The following TMC5 variants were observed in gnomAD, a reference collection of about 807,000 sequenced individuals.
TMC5 encodes transmembrane channel-like protein 5.
Under a neutral mutation model 110.5 loss-of-function variants are expected in TMC5, and 86 were observed. The observed-to-expected ratio is 0.78, with a 90% CI of 0.65 to 0.93. TMC5 has a LOEUF of 0.93. Ranked by LOEUF, TMC5 falls within the 40% of genes least tolerant of loss-of-function variation. TMC5 has a pLI of 0.00. For missense variants in TMC5, 1,144 were observed against 1,222.8 expected (o/e 0.94, Z 0.96); for synonymous variants, 455 against 439.5 (o/e 1.04, Z -0.44).
chr16:19,460,830 C>T (rs1968002959), intron 6 of TMC5, among the ~76,000 whole-genome samples: 1 of 152,158 alleles, frequency 6.6e-6, no homozygotes, highest in Admixed American at 6.6e-5. Flanking sequence ...CAAGGAAAGT[C>T]TGAGAAACTA....
chr16:19,427,102 T>G (rs911537708), intron 1 of TMC5, among the ~76,000 whole-genome samples: 1 of 152,142 alleles, frequency 6.6e-6, no homozygotes, highest in Admixed American at 6.6e-5. Flanking sequence ...CCCAGGTGAC[T>G]TTCATGGGCA....
intron 12 of TMC5, 64 bp downstream of exon 12, chr16:19,474,340 A>C (rs1597205905): frequency 6.4e-7 from 1 of 1,557,102 alleles, no homozygotes; most frequent in East Asian, 2.3e-5. Context: ...GATGGCAGCT[A>C]GAAAGGATTA....
intron 2 of TMC5, among the ~76,000 whole-genome samples, chr16:19,435,011 A>G (rs1967309364): frequency 6.6e-6 from 1 of 152,106 alleles, no homozygotes; most frequent in African/African-American, 2.4e-5. Context: ...ACGTATATTC[A>G]CCTAGAAGAC....
chr16:19,470,340 C>CA (rs1347076505), intron 10 of TMC5, among the ~76,000 whole-genome samples: 1 of 152,108 alleles, frequency 6.6e-6, no homozygotes, highest in Non-Finnish European at 1.5e-5. Flanking sequence ...AGGCACCTGC[C>CA]ACCTCACTTG....
rs371417343 is a variant in TMC5, at chr16:19,497,110, T to A, written c.2932-11T>A. ...CTCCGTGACGTGGCTGCTTGTTTTT[T>A]TCTTTTTCAGCAACAAGGCTTTTTG... is the stretch of plus-strand genomic sequence containing the variant. On this transcript the variant is annotated splice_polypyrimidine_tract_variant and intron_variant, in intron 20 of 21. Coordinates refer to ENST00000542583, the MANE Select transcript of TMC5 (RefSeq NM_001261841.2). The A allele has an allele frequency of 1.1e-5, 18 of 1,613,902 alleles. No individual in the cohort carries two copies. Among genetic ancestry groups the A allele is most frequent in the Non-Finnish European group, 1.3e-5 (15 of 1,179,964 alleles).
intron 14 of TMC5, among the ~76,000 whole-genome samples, chr16:19,480,580 G>T (rs1405035142): frequency 6.6e-6 from 1 of 152,134 alleles, no homozygotes; most frequent in Non-Finnish European, 1.5e-5. Context: ...CAAGGCGGGT[G>T]AATCACCTGA....
chr16:19,487,508 C>T (rs1176090023), intron 17 of TMC5, among the ~76,000 whole-genome samples, 182 bp downstream of exon 17: 1 of 152,092 alleles, frequency 6.6e-6, no homozygotes, highest in Non-Finnish European at 1.5e-5. Context: ...TCAGGACCAG[C>T]CTGGCCAACA....
At chr16:19,434,388 TAGATATA>T (rs1567300648) in intron 2 of TMC5, among the ~76,000 whole-genome samples, 4 of 41,060 alleles carry the variant, frequency 9.7e-5, no homozygotes, top group South Asian at 1.6e-3. Context: ...ATATATAATA[TAGATATA>T]ATATATATAT....
chr16:19,493,465 C>T (rs369210003), intron 19 of TMC5, among the ~76,000 whole-genome samples: 71 of 74,786 alleles, frequency 9.5e-4, no homozygotes, highest in African/African-American at 2.3e-3. Flanking sequence ...CTCTCTCTCT[C>T]TTTTTTTTTT....
chr16:19,485,116 T>C (rs1968707748), intron 15 of TMC5, among the ~76,000 whole-genome samples: 1 of 150,444 alleles, frequency 6.6e-6, no homozygotes, highest in Non-Finnish European at 1.5e-5. Flanking sequence ...ATTTGCCTTT[T>C]TTTTTTTTTT....
intron 19 of TMC5, among the ~76,000 whole-genome samples, chr16:19,493,107 G>A (rs979234755): frequency 4.6e-5 from 7 of 150,830 alleles, no homozygotes; most frequent in Non-Finnish European, 8.9e-5. Flanking sequence ...AATTACAGGC[G>A]CCTGCCACCA....
At chr16:19,451,790 A>G (rs1967755252) in intron 5 of TMC5, among the ~76,000 whole-genome samples, 1 of 147,006 alleles carries the variant, frequency 6.8e-6, no homozygotes, top group South Asian at 2.1e-4. Context: ...GGCCGCCGGA[A>G]CTTTTTCTTT....
intron 4 of TMC5, among the ~76,000 whole-genome samples, chr16:19,446,790 TAAAAAAC>T (rs887870176): frequency 9.2e-5 from 14 of 151,996 alleles, no homozygotes; most frequent in Non-Finnish European, 2.1e-4. Flanking sequence ...ATAAAATACT[TAAAAAAC>T]AAAAAAAGCA....
At chr16:19,420,886 T>C (rs1966968201) in intron 1 of TMC5, among the ~76,000 whole-genome samples, 1 of 152,178 alleles carries the variant, frequency 6.6e-6, no homozygotes, top group South Asian at 2.1e-4. Flanking sequence ...CAAAGCAAAA[T>C]AGTGGCTTTC....
At chr16:19,489,100 A>ACAACG (rs1968821747) in intron 17 of TMC5, among the ~76,000 whole-genome samples, 3 of 146,242 alleles carry the variant, frequency 2.1e-5, no homozygotes, top group Non-Finnish European at 3.1e-5. Context: ...TCTCTTCCTC[A>ACAACG]CCAGTTCCTT....
rs762902523 is a variant in TMC5, at chr16:19,460,305, A to G, written c.1119A>G (p.Pro373=). The G allele has an allele frequency of 1.1e-5, 18 of 1,613,816 alleles. No homozygotes were observed. The highest frequency in any genetic ancestry group is 1.7e-5 in the Admixed American group (1 of 59,996). ...GAATTAAAGCCATCAGGAACCAGCCAAGGACCATGGAAGAGAAAAGGAACC... is the reference window on the plus strand; with the variant it reads ...GAATTAAAGCCATCAGGAACCAGCCGAGGACCATGGAAGAGAAAAGGAACC... ...RDRIKAIRNQ[P]RTMEEKRNLR... The change falls in exon 6 of 22, where the codon CCA becomes CCG. Residue 373 remains proline (P), a synonymous_variant. Coordinates refer to ENST00000542583, the MANE Select transcript of TMC5 (RefSeq NM_001261841.2).
At chr16:19,412,897 T>G (rs1040404734), upstream of TMC5, among the ~76,000 whole-genome samples, 1 of 152,204 alleles carries the variant, frequency 6.6e-6, no homozygotes, top group African/African-American at 2.4e-5. Flanking sequence ...CAAGTTGCAG[T>G]GCAGTGGCAC....
intron 8 of TMC5, among the ~76,000 whole-genome samples, chr16:19,465,065 C>CGT (rs1968144346): frequency 1.6e-5 from 1 of 63,906 alleles, no homozygotes; most frequent in Non-Finnish European, 3.1e-5. Flanking sequence ...CTTTTCCTTC[C>CGT]TTCCTTCCTT....
intron 1 of TMC5, among the ~76,000 whole-genome samples, chr16:19,421,086 C>T (rs1470759661): frequency 2.0e-5 from 3 of 152,042 alleles, no homozygotes; most frequent in Non-Finnish European, 2.9e-5. Flanking sequence ...ACACCTGGAT[C>T]GCAAGGTTGT....
Sources: gnomAD v4.1 joint callset for allele counts (sites outside exome capture counted in the v4.1 genomes callset) on GRCh38, gnomAD v4.1.1 for gene constraint, MANE v1.5 for transcripts, NCBI Gene and HGNC (gene_info 2026-07-23, HGNC 2026-07-21) for gene names.